RAB11FIP4: variants seen among roughly 807,000 people sequenced by gnomAD.
The protein encoded by RAB11FIP4 is RAB11 family interacting protein 4.
RAB11FIP4 carries 23 observed loss-of-function variants against 74.3 expected under a neutral mutation model. The observed-to-expected ratio is 0.31, with a 90% CI of 0.22 to 0.44. The LOEUF (loss-of-function observed/expected upper bound fraction) is 0.44, where lower values mean the gene tolerates loss of function less well. Among genes scored for constraint, RAB11FIP4 ranks in the 20% least tolerant of loss-of-function variants. RAB11FIP4 has a pLI of 1.00. For synonymous variants in RAB11FIP4, 360 were observed against 359.9 expected (o/e 1.00, Z 0.00); for missense variants, 630 against 863.9 (o/e 0.73, Z 3.39).
At chr17:31,444,276 A>G (rs1187550613) in intron 3 of RAB11FIP4, among the ~76,000 whole-genome samples, 1 of 152,014 alleles carries the variant, frequency 6.6e-6, no homozygotes, top group Admixed American at 6.6e-5. Flanking sequence ...TGGTGGCAGG[A>G]GGGAGTTTCA....
chr17:31,455,382 G>T (rs1274708857), intron 3 of RAB11FIP4, among the ~76,000 whole-genome samples: 1 of 152,154 alleles, frequency 6.6e-6, no homozygotes, highest in Non-Finnish European at 1.5e-5. Flanking sequence ...GACGGGAGAG[G>T]GGGGCACATT....
chr17:31,431,013 G>C (rs1440409097), intron 1 of RAB11FIP4, among the ~76,000 whole-genome samples: 1 of 152,154 alleles, frequency 6.6e-6, no homozygotes, highest in Non-Finnish European at 1.5e-5. Flanking sequence ...GAGGCAAAAA[G>C]AAAGTCAAGG....
chr17:31,410,039 G>A (rs1359422559), intron 1 of RAB11FIP4, among the ~76,000 whole-genome samples: 1 of 152,120 alleles, frequency 6.6e-6, no homozygotes, highest in East Asian at 1.9e-4. Flanking sequence ...GTACTTCCTG[G>A]TGCCTCACCT....
At chr17:31,488,756 G>A (rs1462638017) in intron 3 of RAB11FIP4, among the ~76,000 whole-genome samples, 1 of 152,214 alleles carries the variant, frequency 6.6e-6, no homozygotes, top group Non-Finnish European at 1.5e-5. Context: ...TCGTGGTGTG[G>A]GGCCGGGGCC....
chr17:31,419,902 T>C (rs531333836), intron 1 of RAB11FIP4, among the ~76,000 whole-genome samples: 2 of 152,284 alleles, frequency 1.3e-5, no homozygotes, highest in South Asian at 4.1e-4. Flanking sequence ...CAGGGTATTA[T>C]TGCTGGCCCC....
intron 3 of RAB11FIP4, among the ~76,000 whole-genome samples, chr17:31,499,200 C>T (rs949803662): frequency 2.0e-5 from 3 of 152,044 alleles, no homozygotes; most frequent in South Asian, 4.1e-4. Flanking sequence ...TTAGATGGGA[C>T]GATTTAAATT....
rs1232681689 is a variant in RAB11FIP4 at position 31,396,193 on chromosome 17, A to AAAAAAG, written c.159+4186_159+4187insAGAAAA. On this transcript the variant is annotated intron_variant, in intron 1 of 14. Transcript: ENST00000621161. ...AGTGAGACCCTGCCACAAAAAAAAA[A>AAAAAAG]AAAAGAAAAGAAAAGAAAAGAAAAG... Among the ~76,000 whole-genome samples the AAAAAAG allele has an allele frequency of 3.2e-3, 394 of 124,834 alleles. 3 individuals are homozygous for AAAAAAG. The highest frequency in any genetic ancestry group is 9.0e-3 in the African/African-American group (353 of 39,372). The allele number at this position is 124,834 out of a possible 152,430, so 81.9% of individuals were successfully genotyped here.
At chr17:31,453,819 A>T (rs1237523514) in intron 3 of RAB11FIP4, among the ~76,000 whole-genome samples, 5 of 151,530 alleles carry the variant, frequency 3.3e-5, no homozygotes, top group African/African-American at 1.2e-4. Flanking sequence ...AAAAAGAAAG[A>T]AAAGAAAAGA....
chr17:31,496,192 C>T (rs939026531), intron 3 of RAB11FIP4, among the ~76,000 whole-genome samples: 2 of 152,140 alleles, frequency 1.3e-5, no homozygotes. Flanking sequence ...TATGAGGGGA[C>T]CCTGATGTGG....
chr17:31,476,956 C>G (rs1215911415), intron 3 of RAB11FIP4, among the ~76,000 whole-genome samples: 1 of 152,262 alleles, frequency 6.6e-6, no homozygotes, highest in Admixed American at 6.5e-5. Flanking sequence ...ATCCGGTCTG[C>G]TGTGGCCTCC....
intron 1 of RAB11FIP4, among the ~76,000 whole-genome samples, chr17:31,410,075 C>A (rs2071079245): frequency 6.6e-6 from 1 of 152,162 alleles, no homozygotes; most frequent in Admixed American, 6.5e-5. Flanking sequence ...GATACTGTTC[C>A]CCTGAGAGGG....
intron 3 of RAB11FIP4, among the ~76,000 whole-genome samples, chr17:31,495,042 G>GGCCT (rs2072088064): frequency 6.6e-6 from 1 of 152,184 alleles, no homozygotes; most frequent in Non-Finnish European, 1.5e-5. Flanking sequence ...CTCCAGCCAG[G>GGCCT]GCCTGCCTGT....
chr17:31,409,846 C>T (rs1384906641), intron 1 of RAB11FIP4, among the ~76,000 whole-genome samples: 1 of 152,178 alleles, frequency 6.6e-6, no homozygotes, highest in Non-Finnish European at 1.5e-5. Flanking sequence ...GGAGCCCCAG[C>T]TCCTCCTGAG....
intron 3 of RAB11FIP4, among the ~76,000 whole-genome samples, chr17:31,454,504 C>T (rs921302533): frequency 6.6e-6 from 1 of 152,058 alleles, no homozygotes; most frequent in Non-Finnish European, 1.5e-5. Flanking sequence ...GAACCCATGA[C>T]CTCAAGCAAT....
chr17:31,490,097 G>A (rs2142751017), intron 3 of RAB11FIP4, among the ~76,000 whole-genome samples: 1 of 152,166 alleles, frequency 6.6e-6, no homozygotes, highest in Middle Eastern at 3.4e-3. Context: ...GGGTTCCAGG[G>A]GCAGCCTGCA....
chr17:31,418,551 C>A (rs8072422), intron 1 of RAB11FIP4, among the ~76,000 whole-genome samples: 2,429 of 142,368 alleles, frequency 0.017, 59 homozygotes, highest in African/African-American at 0.06. Flanking sequence ...GCAGCCTTGA[C>A]TTCCCGGGCT....
chr17:31,426,455 A>C (rs1488442397), intron 1 of RAB11FIP4, among the ~76,000 whole-genome samples: 1 of 152,148 alleles, frequency 6.6e-6, no homozygotes, highest in Admixed American at 6.5e-5. Flanking sequence ...GACTCCAAGC[A>C]TTTGCAATAC....
chr17:31,457,027 G>T (rs1385756938), intron 3 of RAB11FIP4, among the ~76,000 whole-genome samples: 1 of 152,172 alleles, frequency 6.6e-6, no homozygotes, highest in Non-Finnish European at 1.5e-5. Context: ...AGGTGGCCTG[G>T]TCCTGGGGGC....
At chr17:31,480,174 C>T (rs1163628829) in intron 3 of RAB11FIP4, among the ~76,000 whole-genome samples, 1 of 152,144 alleles carries the variant, frequency 6.6e-6, no homozygotes, top group East Asian at 1.9e-4. Context: ...TCCACACGGC[C>T]TCTCACCCCA....
Sources: allele counts gnomAD v4.1 joint callset (sites outside exome capture counted in the v4.1 genomes callset), GRCh38; gene constraint gnomAD v4.1.1; transcripts MANE v1.5; gene names NCBI Gene and HGNC (gene_info 2026-07-23, HGNC 2026-07-21).